PCDHA12: variants seen among roughly 807,000 people sequenced by gnomAD.
The protein encoded by PCDHA12 is protocadherin alpha 12.
In PCDHA12, 44 loss-of-function variants were observed where a neutral mutation model predicts 60.0. The observed-to-expected ratio is 0.73, with a 90% CI of 0.58 to 0.94. The LOEUF is 0.94. Ranked by LOEUF, PCDHA12 falls within the 40% of genes least tolerant of loss-of-function variation. PCDHA12 has a pLI of 0.00. For synonymous variants in PCDHA12, 569 were observed against 553.0 expected (o/e 1.03, Z -0.40); for missense variants, 1,276 against 1,239.7 (o/e 1.03, Z -0.44).
intron 1 of PCDHA12, among the ~76,000 whole-genome samples, chr5:140,902,501 A>G (rs1264806549): frequency 1.3e-5 from 2 of 152,020 alleles, no homozygotes; most frequent in Admixed American, 6.6e-5. Context: ...ACTAGCTGTG[A>G]GTCTGTCATA....
At chr5:140,978,615 T>C in intron 1 of PCDHA12, among the ~76,000 whole-genome samples, 1 of 152,238 alleles carries the variant, frequency 6.6e-6, no homozygotes, top group East Asian at 1.9e-4. Context: ...GCAAAAGCAG[T>C]GAAAGCTTTT....
chr5:140,925,503 C>T (rs1210013790), intron 1 of PCDHA12, among the ~76,000 whole-genome samples: 1 of 151,978 alleles, frequency 6.6e-6, no homozygotes, highest in Non-Finnish European at 1.5e-5. Context: ...TCCCAATATC[C>T]ACGCAAAAGA....
intron 3 of PCDHA12, among the ~76,000 whole-genome samples, chr5:140,998,062 C>A (rs2097795439): frequency 6.6e-6 from 1 of 152,176 alleles, no homozygotes; most frequent in Non-Finnish European, 1.5e-5. Flanking sequence ...TCATCATCAA[C>A]AGACTTAGCC....
rs35252606 is a variant in PCDHA12, at chr5:140,912,343, ATT to A, written c.2367+34518_2367+34519del. The stretch of plus-strand genomic sequence containing the variant: ...CTCAGTATTAACCAGTACACTAAGT[ATT>A]TTTTTTTTTTTTTGCAGCTGTTGTA... On this transcript the variant is annotated intron_variant, in intron 1 of 3. Transcript: ENST00000398631. 3.7e-3 allele frequency among the ~76,000 whole-genome samples: 528 copies of A among 143,760 alleles called. 4 individuals are homozygous for A. The highest frequency in any genetic ancestry group is 8.3e-3 in the East Asian group (41 of 4,940). 94.3% of individuals were successfully genotyped at this position (143,760 alleles called of 152,430 possible).
chr5:140,968,276 G>A, intron 1 of PCDHA12: 1 of 1,614,070 alleles, frequency 6.2e-7, no homozygotes, highest in South Asian at 1.1e-5. Context: ...GAATGCAGAG[G>A]TGACCTACTC....
intron 1 of PCDHA12, among the ~76,000 whole-genome samples, chr5:140,946,631 T>TATATATTATATATATATATATATATACAC (rs57893927): frequency 7.6e-6 from 1 of 131,846 alleles, no homozygotes; most frequent in African/African-American, 3.5e-5. Flanking sequence ...TATATATATA[T>TATATATTATATATATATATATATATACAC]ACAATGGAAT....
rs2056959197 is a variant in PCDHA12 at position 140,877,239 on chromosome 5, C to G, written c.1767C>G (p.His589Gln). The change falls in exon 1 of 4, where the codon CAC (histidine) becomes CAG (glutamine). Residue 589 changes from histidine (H) to glutamine (Q), a missense_variant. By Grantham distance (24) the His-to-Gln change is conservative (BLOSUM62 0). Transcript: ENST00000398631. ...ELVPRSVGAG[H>Q]VVAKVRAVDA... The stretch of plus-strand genomic sequence containing the variant: ...TACCGCGGTCGGTGGGTGCGGGCCA[C>G]GTGGTGGCGAAAGTGCGCGCGGTGG... 1 of 1,613,668 alleles carries G rather than the reference C, an allele frequency of 6.2e-7. No individual in the cohort carries two copies. Among genetic ancestry groups the G allele is most frequent in the Non-Finnish European group, 8.5e-7 (1 of 1,179,742 alleles).
In PCDHA12 at chr5:140,885,617, T is replaced by C. The variant is rs182455292; in HGVS notation, c.2367+7778T>C. Among the ~76,000 whole-genome samples, 20 of 152,288 alleles carry C rather than the reference T, an allele frequency of 1.3e-4. No individual in the cohort carries two copies. The East Asian group carries it at 3.7e-3, about 28-fold the overall frequency. The stretch of plus-strand genomic sequence containing the variant: ...GATATTAATAATTTTAATTATAAAA[T>C]ATGTCACTGGATTGCCTTCCAAGTA... On this transcript the variant is annotated intron_variant, in intron 1 of 3. Coordinates refer to ENST00000398631, the MANE Select transcript of PCDHA12 (RefSeq NM_018903.4).
At chr5:140,907,239 C>T (rs1447900433) in intron 1 of PCDHA12, among the ~76,000 whole-genome samples, 1 of 152,200 alleles carries the variant, frequency 6.6e-6, no homozygotes, top group Non-Finnish European at 1.5e-5. Context: ...ACCTAGTTGA[C>T]ATTGTAATTG....
intron 3 of PCDHA12, among the ~76,000 whole-genome samples, chr5:140,993,888 G>A (rs1196429613): frequency 6.6e-6 from 1 of 152,140 alleles, no homozygotes; most frequent in African/African-American, 2.4e-5. Flanking sequence ...GCTCTATGAT[G>A]TCCATACAAC....
In PCDHA12 at chr5:140,953,934, C is replaced by T. The variant is rs2094953906; in HGVS notation, c.2368-25015C>T. 2.6e-5 allele frequency among the ~76,000 whole-genome samples: 4 copies of T among 152,200 alleles called. No homozygotes were observed. The South Asian group carries it at 8.3e-4, about 32-fold the overall frequency. On this transcript the variant is annotated intron_variant, in intron 1 of 3. Transcript: ENST00000398631. ...TTAGGTATTCTTCCTGATGCTCTCC[C>T]TCCCATTGCTCCCCCAACAGGCCCC...
Position 140,875,549 on chromosome 5 carries a change from T to G in PCDHA12, c.77T>G (p.Val26Gly). 1.2e-6 allele frequency: 2 copies of G among 1,613,916 alleles called. No individual in the cohort carries two copies. Among genetic ancestry groups the G allele is most frequent in the Non-Finnish European group, 1.7e-6 (2 of 1,179,996 alleles). Residue 26 changes from valine to glycine, a missense_variant, in exon 1 of 4, where the codon GTG (valine) becomes GGG (glycine). Coordinates refer to ENST00000398631, the MANE Select transcript of PCDHA12 (RefSeq NM_018903.4). ...CTTCTGCTCCTTGCAGCCTGGGAGG[T>G]GGGGAGCGGCCAGCTCCACTACTCC... Reference protein sequence around the residue: ...LSLLLLAAWEVGSGQLHYSVY... With the variant: ...LSLLLLAAWEGGSGQLHYSVY...
chr5:140,929,436 C>T, intron 1 of PCDHA12: 1 of 1,470,330 alleles, frequency 6.8e-7, no homozygotes, highest in Non-Finnish European at 9.1e-7. Context: ...TTGAACTAAA[C>T]ACTCCTTCTT....
chr5:140,892,237 A>G (rs1288947116), intron 1 of PCDHA12, among the ~76,000 whole-genome samples: 13 of 152,180 alleles, frequency 8.5e-5, no homozygotes, highest in Non-Finnish European at 7.4e-5. Context: ...TTGTCTCCAC[A>G]TAAACCTGGT....
chr5:141,006,567 C>T (rs2098278386), intron 3 of PCDHA12, among the ~76,000 whole-genome samples: 1 of 152,030 alleles, frequency 6.6e-6, no homozygotes, highest in Admixed American at 6.6e-5. Flanking sequence ...ACTCTGGCTA[C>T]TGTGTGGAGG....
At chr5:140,967,870 G>T in intron 1 of PCDHA12, 1 of 1,614,152 alleles carries the variant, frequency 6.2e-7, no homozygotes, top group Non-Finnish European at 8.5e-7. Flanking sequence ...TGGTGCTCAC[G>T]GACCTGTATA....
chr5:140,976,427 T>C (rs2096715861), intron 1 of PCDHA12, among the ~76,000 whole-genome samples: 1 of 152,064 alleles, frequency 6.6e-6, no homozygotes, highest in Admixed American at 6.5e-5. Flanking sequence ...GGCAGATGCC[T>C]GTAATCCCAG....
At chr5:141,004,532 C>G (rs569751588) in intron 3 of PCDHA12, among the ~76,000 whole-genome samples, 1 of 152,314 alleles carries the variant, frequency 6.6e-6, no homozygotes, top group African/African-American at 2.4e-5. Context: ...TACACACAGC[C>G]ATTAATGTCC....
rs2098421123 is a variant in PCDHA12, at chr5:141,011,585, A to G, written c.*1648A>G. 6.5e-6 allele frequency: 1 copy of G among 153,746 alleles called. No individual in the cohort carries two copies. The highest frequency in any genetic ancestry group is 1.5e-5 in the Non-Finnish European group (1 of 68,036). 9.5% of individuals were successfully genotyped at this position (153,746 alleles called of 1,614,324 possible). ...TAAAATTTCTTTCTTAAATCAAGAT[A>G]CTGGTGATTCAAGGAATTTTATTTA... On this transcript the variant is annotated 3_prime_UTR_variant, in exon 4 of 4. Coordinates refer to ENST00000398631, the MANE Select transcript of PCDHA12 (RefSeq NM_018903.4).
Sources: gnomAD v4.1 joint callset for allele counts (sites outside exome capture counted in the v4.1 genomes callset) on GRCh38, gnomAD v4.1.1 for gene constraint, MANE v1.5 for transcripts, NCBI Gene and HGNC (gene_info 2026-07-23, HGNC 2026-07-21) for gene names.